DUSP13B: variants seen among roughly 807,000 people sequenced by gnomAD.
DUSP13B encodes dual specificity phosphatase 13B.
chr10:75,107,784 C>T, the DUSP13B span, among the ~76,000 whole-genome samples: 1,354 of 152,262 alleles, frequency 8.9e-3, 11 homozygotes, highest in Non-Finnish European at 0.016. Flanking sequence ...ACCGTGTTGG[C>T]CAGGCTGGTC....
the DUSP13B span, chr10:75,105,910 G>A: frequency 0.017 from 26,542 of 1,528,576 alleles, 325 homozygotes; most frequent in Non-Finnish European, 0.022. Context: ...CCCACACACC[G>A]GCCCACCCAC....
chr10:75,099,324 G>C, the DUSP13B span: 1 of 1,232,326 alleles, frequency 8.1e-7, no homozygotes, highest in Middle Eastern at 3.1e-4. Context: ...GCTTGGCCAG[G>C]CTCACCCAGT....
At chr10:75,100,944 TC>T in the DUSP13B span, among the ~76,000 whole-genome samples, 539 of 152,340 alleles carry the variant, frequency 3.5e-3, 2 homozygotes, top group African/African-American at 0.012. Flanking sequence ...CTGTTTGCCA[TC>T]CACCTCTCAG....
chr10:75,108,882 TC>T, the DUSP13B span: 1 of 1,267,946 alleles, frequency 7.9e-7, no homozygotes, highest in Non-Finnish European at 1.0e-6. Context: ...CTGGAGAAGG[TC>T]CCTGGCCTGG....
the DUSP13B span, chr10:75,101,906 G>A: frequency 5.9e-6 from 8 of 1,367,510 alleles, no homozygotes; most frequent in Middle Eastern, 2.2e-4. Context: ...CTTCTCTGAC[G>A]GGCAGTTCGT....
chr10:75,100,243 G>A, the DUSP13B span, among the ~76,000 whole-genome samples: 1 of 152,136 alleles, frequency 6.6e-6, no homozygotes, highest in Non-Finnish European at 1.5e-5. Context: ...GCATGCCTCT[G>A]CCTCCGAGGG....
At chr10:75,103,350 G>T in the DUSP13B span, among the ~76,000 whole-genome samples, 1 of 152,244 alleles carries the variant, frequency 6.6e-6, no homozygotes. Flanking sequence ...CCCACACACA[G>T]ACACAGGTGT....
chr10:75,095,551 A>C, the DUSP13B span: 7 of 1,605,884 alleles, frequency 4.4e-6, no homozygotes, highest in African/African-American at 1.3e-5. Flanking sequence ...TCCACCCTCC[A>C]CCATGCCTGA....
At chr10:75,101,977 A>T in the DUSP13B span, 1 of 1,365,888 alleles carries the variant, frequency 7.3e-7, no homozygotes, top group African/African-American at 1.5e-5. Flanking sequence ...TTTTGATTTG[A>T]GTTTAATTAT....
At chr10:75,097,741 C>A in the DUSP13B span, 2 of 1,610,742 alleles carry the variant, frequency 1.2e-6, no homozygotes, top group Non-Finnish European at 1.7e-6. Flanking sequence ...TGGGCCAGAC[C>A]TCATCGATAT....
the DUSP13B span, chr10:75,105,555 G>T: frequency 8.8e-7 from 1 of 1,134,360 alleles, no homozygotes; most frequent in Non-Finnish European, 1.3e-6. Context: ...GCCACACACA[G>T]CCCTGCCAAC....
the DUSP13B span, among the ~76,000 whole-genome samples, chr10:75,095,299 T>C: frequency 4.6e-4 from 70 of 152,308 alleles, no homozygotes; most frequent in Non-Finnish European, 8.1e-4. Flanking sequence ...AGAGCTTCAC[T>C]GGGTCCTATA....
At chr10:75,094,772 C>T in the DUSP13B span, 163 of 1,614,082 alleles carry the variant, frequency 1.0e-4, no homozygotes, top group Non-Finnish European at 1.3e-4. Context: ...GGGCCTGCAC[C>T]GTCTGGATGG....
the DUSP13B span, among the ~76,000 whole-genome samples, chr10:75,095,074 T>G: frequency 6.6e-6 from 1 of 152,182 alleles, no homozygotes; most frequent in African/African-American, 2.4e-5. Context: ...AGGGTTTAGG[T>G]TAGCAGCCGG....
At chr10:75,102,816 G>A in the DUSP13B span, among the ~76,000 whole-genome samples, 1 of 152,170 alleles carries the variant, frequency 6.6e-6, no homozygotes, top group South Asian at 2.1e-4. Flanking sequence ...GCTGGGCGTG[G>A]TGGCGCATGC....
At chr10:75,104,100 G>T in the DUSP13B span, 2 of 1,343,212 alleles carry the variant, frequency 1.5e-6, no homozygotes, top group African/African-American at 1.5e-5. Flanking sequence ...GACCAGCTCT[G>T]GAAGAGAGAT....
At chr10:75,104,206 G>C in the DUSP13B span, 1 of 707,076 alleles carries the variant, frequency 1.4e-6, no homozygotes, top group East Asian at 6.6e-5. Flanking sequence ...CTTCTGCCTT[G>C]AGCCCTGTGC....
the DUSP13B span, chr10:75,097,777 C>T: frequency 1.9e-6 from 3 of 1,613,740 alleles, no homozygotes; most frequent in African/African-American, 4.0e-5. Flanking sequence ...CCTGACGGAC[C>T]CACAGCAAGC....
chr10:75,094,773 G>A, the DUSP13B span: 92 of 1,614,048 alleles, frequency 5.7e-5, no homozygotes, highest in African/African-American at 6.1e-4. Context: ...GGCCTGCACC[G>A]TCTGGATGGC....
Sources: allele counts gnomAD v4.1 joint callset (sites outside exome capture counted in the v4.1 genomes callset), GRCh38; gene constraint gnomAD v4.1.1; transcripts MANE v1.5; gene names NCBI Gene and HGNC (gene_info 2026-07-23, HGNC 2026-07-21).